The following XRCC4 variants were observed in gnomAD, a reference collection of about 807,000 sequenced individuals.
XRCC4 encodes DNA repair protein XRCC4.
XRCC4 carries 28 observed loss-of-function variants against 39.1 expected under a neutral mutation model. That is an observed-to-expected ratio of 0.72 (90% CI 0.53 to 0.98). The LOEUF is 0.98. XRCC4 is among the 50% of genes least tolerant of loss of function. XRCC4 has a pLI of 0.00. For synonymous variants in XRCC4, 123 were observed against 126.4 expected, an observed-to-expected ratio of 0.97 and a Z score of 0.18; for missense variants, 350 against 376.4, an observed-to-expected ratio of 0.93 and a Z score of 0.58.
At chr5:83,306,805 C>G (rs1450102366) in intron 7 of XRCC4, among the ~76,000 whole-genome samples, 3 of 152,166 alleles carry the variant, frequency 2.0e-5, no homozygotes, top group East Asian at 1.9e-4. Context: ...ATTAGAGATG[C>G]TGGAAACTCT....
chr5:83,138,693 A>G (rs1029371869), intron 3 of XRCC4, among the ~76,000 whole-genome samples: 1 of 152,046 alleles, frequency 6.6e-6, no homozygotes, highest in African/African-American at 2.4e-5. Context: ...TTTTTTCATT[A>G]CATTTCCAGT....
chr5:83,371,478 G>T, the XRCC4 span, among the ~76,000 whole-genome samples: 1 of 152,112 alleles, frequency 6.6e-6, no homozygotes, highest in Non-Finnish European at 1.5e-5. Flanking sequence ...GAGTATAATG[G>T]AAATAAACAA....
chr5:83,294,345 G>A (rs981189483), intron 7 of XRCC4, among the ~76,000 whole-genome samples: 1 of 151,990 alleles, frequency 6.6e-6, no homozygotes, highest in Non-Finnish European at 1.5e-5. Flanking sequence ...AATTTAAAAT[G>A]TTGGTATTTT....
chr5:83,373,797 T>C, the XRCC4 span, among the ~76,000 whole-genome samples: 3 of 152,178 alleles, frequency 2.0e-5, no homozygotes, highest in Admixed American at 2.0e-4. Flanking sequence ...CTTTAAAGCA[T>C]TGTTTTATAT....
intron 7 of XRCC4, among the ~76,000 whole-genome samples, chr5:83,282,360 G>A (rs531710195): frequency 6.6e-6 from 1 of 152,148 alleles, no homozygotes; most frequent in African/African-American, 2.4e-5. Flanking sequence ...TTAGAAAATT[G>A]GTTAAGTCAT....
At chr5:83,264,555 C>T (rs1753887822) in intron 7 of XRCC4, among the ~76,000 whole-genome samples, 1 of 151,818 alleles carries the variant, frequency 6.6e-6, no homozygotes, top group South Asian at 2.1e-4. Context: ...ATGCTCATTC[C>T]AGAAAAATCA....
intron 7 of XRCC4, among the ~76,000 whole-genome samples, chr5:83,270,934 C>G (rs543334114): frequency 6.6e-6 from 1 of 151,724 alleles, no homozygotes; most frequent in Non-Finnish European, 1.5e-5. Flanking sequence ...CATAGGCGCC[C>G]GCCACCATGC....
chr5:83,332,629 C>T (rs558858424), intron 7 of XRCC4, among the ~76,000 whole-genome samples: 38 of 152,168 alleles, frequency 2.5e-4, no homozygotes, highest in Non-Finnish European at 5.3e-4. Flanking sequence ...CTTCTTATTT[C>T]ACTCATTATC....
At chr5:83,321,551 T>C (rs1756074814) in intron 7 of XRCC4, among the ~76,000 whole-genome samples, 1 of 152,164 alleles carries the variant, frequency 6.6e-6, no homozygotes, top group South Asian at 2.1e-4. Flanking sequence ...ACAGAAAATA[T>C]TAATAAGGTG....
At chr5:83,364,437 T>TA in the XRCC4 span, among the ~76,000 whole-genome samples, 10 of 151,622 alleles carry the variant, frequency 6.6e-5, no homozygotes, top group East Asian at 7.7e-4. Flanking sequence ...ATAAGAATAC[T>TA]AAAAAAAAAT....
chr5:83,204,814 G>A lies in XRCC4; in HGVS notation c.639-1G>A. On this transcript the variant is annotated splice_acceptor_variant, in intron 5 of 7. Coordinates refer to ENST00000396027, the MANE Select transcript of XRCC4 (RefSeq NM_003401.5). LOFTEE classifies it high-confidence loss of function. ...ATAATTCTACCTTTCTCTGTTTCTA[G>A]GGAAACTGCAATCTGTTCTGAAATG... 4.4e-6 allele frequency: 7 copies of A among 1,604,892 alleles called. No homozygotes were observed. The highest frequency in any genetic ancestry group is 6.0e-6 in the Non-Finnish European group (7 of 1,174,008).
chr5:83,112,299 C>T (rs764566421), intron 3 of XRCC4, among the ~76,000 whole-genome samples: 27 of 152,126 alleles, frequency 1.8e-4, no homozygotes, highest in Admixed American at 3.9e-4. Flanking sequence ...CAAGCTCAAT[C>T]GGATGATATT....
downstream of XRCC4, among the ~76,000 whole-genome samples, chr5:83,358,052 C>G (rs1178449756): frequency 6.6e-6 from 1 of 152,086 alleles, no homozygotes; most frequent in East Asian, 1.9e-4. Flanking sequence ...ATTCATGCAT[C>G]CATTTGTAGC....
chr5:83,341,851 G>T (rs959164733), intron 7 of XRCC4, among the ~76,000 whole-genome samples: 3 of 152,016 alleles, frequency 2.0e-5, no homozygotes, highest in African/African-American at 7.2e-5. Flanking sequence ...TTTGTTATTT[G>T]GTTAATACAT....
chr5:83,295,716 G>GCACGCACACGCA (rs112455288), intron 7 of XRCC4, among the ~76,000 whole-genome samples: 2,903 of 151,774 alleles, frequency 0.019, 78 homozygotes, highest in African/African-American at 0.065. Context: ...ACACACACAT[G>GCACGCACACGCA]CACGCACACG....
intron 7 of XRCC4, among the ~76,000 whole-genome samples, chr5:83,316,792 A>G (rs1755903853): frequency 7.2e-6 from 1 of 138,408 alleles, no homozygotes; most frequent in African/African-American, 2.7e-5. Flanking sequence ...TAGACAGAAC[A>G]ACGAGACAGA....
intron 3 of XRCC4, among the ~76,000 whole-genome samples, chr5:83,158,555 T>C (rs914831392): frequency 6.6e-6 from 1 of 152,094 alleles, no homozygotes; most frequent in African/African-American, 2.4e-5. Flanking sequence ...AAAATCATCA[T>C]GGATTTTGAA....
chr5:83,228,177 A>T (rs1407336345), intron 6 of XRCC4, among the ~76,000 whole-genome samples: 1 of 152,098 alleles, frequency 6.6e-6, no homozygotes, highest in South Asian at 2.1e-4. Flanking sequence ...TTTATTTATT[A>T]AAATGTTATT....
chr5:83,210,379 A>G (rs984780559), intron 6 of XRCC4, among the ~76,000 whole-genome samples: 14 of 152,300 alleles, frequency 9.2e-5, no homozygotes, highest in Admixed American at 4.6e-4. Context: ...GCTTTTATAC[A>G]TAACCATTGT....
Sources: gnomAD v4.1 joint callset for allele counts (sites outside exome capture counted in the v4.1 genomes callset) on GRCh38, gnomAD v4.1.1 for gene constraint, MANE v1.5 for transcripts, NCBI Gene and HGNC (gene_info 2026-07-23, HGNC 2026-07-21) for gene names.